ALDOB: variants seen among roughly 807,000 people sequenced by gnomAD.
The protein encoded by ALDOB is fructose-bisphosphate aldolase B.
In ALDOB, 39 loss-of-function variants were observed where a neutral mutation model predicts 41.0. The observed-to-expected ratio is 0.95, with a 90% CI of 0.74 to 1.24. The LOEUF (loss-of-function observed/expected upper bound fraction) is 1.24, where lower values mean the gene tolerates loss of function less well. ALDOB is among the 50% of genes most tolerant of loss of function. ALDOB has a pLI of 0.00. For synonymous variants in ALDOB, 175 were observed against 168.8 expected (o/e 1.04, Z -0.28); for missense variants, 530 against 457.3 (o/e 1.16, Z -1.45).
intron 6 of ALDOB, among the ~76,000 whole-genome samples, chr9:101,425,841 A>G (rs1167560093): frequency 6.6e-6 from 1 of 152,112 alleles, no homozygotes; most frequent in Non-Finnish European, 1.5e-5. Context: ...ATCACCCCTA[A>G]TCTAGCTTCT....
At position 101,428,451 on chromosome 9, in the gene ALDOB, A is replaced by G. The variant is rs777588464; in HGVS notation, c.379+18T>C. ...AGCTTACACTGGCATGATTCATCTC[A>G]GTGGGCAATATCCTTACCTTGAATG... On this transcript the variant is annotated intron_variant, in intron 4 of 8. Coordinates refer to ENST00000647789, the MANE Select transcript of ALDOB (RefSeq NM_000035.4). 6.2e-7 allele frequency: 1 copy of G among 1,610,296 alleles called. No individual in the cohort carries two copies. Among genetic ancestry groups the G allele is most frequent in the Non-Finnish European group, 8.5e-7 (1 of 1,176,572 alleles).
chr9:101,426,911 G>A (rs76734656), intron 5 of ALDOB, among the ~76,000 whole-genome samples: 1 of 152,172 alleles, frequency 6.6e-6, no homozygotes. Flanking sequence ...TAAGAAAGAT[G>A]TCTCTAAGTT....
intron 1 of ALDOB, among the ~76,000 whole-genome samples, chr9:101,432,066 G>T (rs1831227682): frequency 6.6e-6 from 1 of 152,178 alleles, no homozygotes; most frequent in Non-Finnish European, 1.5e-5. Flanking sequence ...TCCCTATCCA[G>T]TCCTGTCCTC....
Position 101,421,537 on chromosome 9 carries a change from G to T in ALDOB, c.*272C>A. On this transcript the variant is annotated 3_prime_UTR_variant, in exon 9 of 9. Transcript: ENST00000647789. ...GATGAGGAGCCGATATTGTTTTAAAGCCTATTATTTTCTTGGGTGGGTATT... is the reference window on the plus strand; with the variant it reads ...GATGAGGAGCCGATATTGTTTTAAATCCTATTATTTTCTTGGGTGGGTATT... The T allele has an allele frequency of 2.0e-6, 1 of 497,246 alleles. No homozygotes were observed. 30.8% of individuals were successfully genotyped at this position (497,246 alleles called of 1,614,324 possible).
Position 101,430,823 on chromosome 9 carries a change from C to T in ALDOB, c.65G>A (p.Ser22Asn). The change falls in exon 2 of 9, where the codon AGC becomes AAC. Residue 22 changes from serine to asparagine, a missense_variant. Transcript: ENST00000647789. Reference sequence around the variant, plus strand: ...GATCCCCTTTCCATTGGCAACAATGCTCTGGGCAATTTCTGAGAGCTCCTT... The same window carrying T: ...GATCCCCTTTCCATTGGCAACAATGTTCTGGGCAATTTCTGAGAGCTCCTT... ...QKKELSEIAQ[S>N]IVANGKGILA... is the part of the protein sequence containing the mutation. The T allele has an allele frequency of 6.2e-7, 1 of 1,614,204 alleles. No homozygotes were observed. The highest frequency in any genetic ancestry group is 8.5e-7 in the Non-Finnish European group (1 of 1,180,040).
At position 101,421,592 on chromosome 9, in the gene ALDOB, A is replaced by G. The variant is rs954787065; in HGVS notation, c.*217T>C. On this transcript the variant is annotated 3_prime_UTR_variant, in exon 9 of 9. Coordinates refer to ENST00000647789, the MANE Select transcript of ALDOB (RefSeq NM_000035.4). Reference sequence around the variant, plus strand: ...AGCATGGGGAGCTGAAAGTGTTGCAAGGAAACTGCTGTGTGAAATTTGATC... The same window carrying G: ...AGCATGGGGAGCTGAAAGTGTTGCAGGGAAACTGCTGTGTGAAATTTGATC... 3 of 610,308 alleles carry G rather than the reference A, an allele frequency of 4.9e-6. No individual in the cohort carries two copies. The highest frequency in any genetic ancestry group is 9.0e-6 in the Non-Finnish European group (3 of 333,726). 37.8% of individuals were successfully genotyped at this position (610,308 alleles called of 1,614,324 possible). A position where few individuals can be genotyped will look rare whatever the true frequency, so the allele number is the denominator to read the frequency against.
In ALDOB at chr9:101,429,791, G is replaced by C; in HGVS notation, c.288C>G (p.Asn96Lys). 6.2e-7 allele frequency: 1 copy of C among 1,614,174 alleles called. No individual in the cohort carries two copies. The highest frequency in any genetic ancestry group is 8.5e-7 in the Non-Finnish European group (1 of 1,180,032). The change falls in exon 3 of 9, where the codon AAC (asparagine) becomes AAG (lysine). Residue 96 changes from asparagine (N) to lysine (K), a missense_variant. Transcript: ENST00000647789. ...CCACGATCCCCTTTTCCTTGAGGAT[G>C]TTTCTGAACAGCTTTCCCTGGCTGT... Reference protein sequence around the residue: ...QKDSQGKLFRNILKEKGIVVG... With the variant: ...QKDSQGKLFRKILKEKGIVVG...
In ALDOB at chr9:101,429,967, C is replaced by G. The variant is rs748663340; in HGVS notation, c.113-1G>C. ...CTCTGCAGGCGGTTCCCCATGGTAC[C>G]TATGGTGGGAGGGCCAAGGGCAGCA... is the stretch of plus-strand genomic sequence containing the variant. On this transcript the variant is annotated splice_acceptor_variant, in intron 2 of 8. Transcript: ENST00000647789. LOFTEE classifies it high-confidence loss of function. 1.9e-6 allele frequency: 3 copies of G among 1,613,840 alleles called. No individual in the cohort carries two copies. The Admixed American group carries it at 5.0e-5, about 27-fold the overall frequency.
At position 101,429,804 on chromosome 9, in the gene ALDOB, T is replaced by A. The variant is rs1426817706; in HGVS notation, c.275A>T (p.Lys92Met). 7.4e-6 allele frequency: 12 copies of A among 1,614,036 alleles called. No homozygotes were observed. The highest frequency in any genetic ancestry group is 1.0e-5 in the Non-Finnish European group (12 of 1,180,026). ...TTCCTTGAGGATGTTTCTGAACAGC[T>A]TTCCCTGGCTGTCCTTCTGGTAGAG... ...ETLYQKDSQG[K>M]LFRNILKEKG... The change falls in exon 3 of 9, where the codon AAG becomes ATG. Residue 92 changes from lysine to methionine, a missense_variant. Physicochemically the swap from Lys to Met is moderately conservative, Grantham distance 95. Transcript: ENST00000647789.
Position 101,425,021 on chromosome 9 carries a change from C to T in ALDOB, c.821G>A (p.Gly274Asp), listed in dbSNP as rs1043345014. 3 of 1,614,170 alleles carry T rather than the reference C, an allele frequency of 1.9e-6. No homozygotes were observed. Among genetic ancestry groups the T allele is most frequent in the Non-Finnish European group, 2.5e-6 (3 of 1,180,030 alleles). Residue 274 changes from glycine (G) to aspartate (D), a missense_variant, in exon 8 of 9, where the codon GGC becomes GAC. Physicochemically the swap from Gly to Asp is moderately conservative, Grantham distance 94. Coordinates refer to ENST00000647789, the MANE Select transcript of ALDOB (RefSeq NM_000035.4). ...AVPGICFLSG[G>D]MSEEDATLNL... is the part of the protein sequence containing the mutation. The stretch of plus-strand genomic sequence containing the variant: ...GAGAGTGGCATCCTCTTCACTCATG[C>T]CACCAGACAAAAAGCAGATGCCTGG...
chr9:101,424,691 C>A, intron 8 of ALDOB, 152 bp downstream of exon 8: 1 of 879,976 alleles, frequency 1.1e-6, no homozygotes, highest in Non-Finnish European at 1.9e-6. Flanking sequence ...CCTCAATCCT[C>A]ATACTGACCT....
At chr9:101,433,512 G>A (rs896650494) in intron 1 of ALDOB, among the ~76,000 whole-genome samples, 5 of 152,058 alleles carry the variant, frequency 3.3e-5, no homozygotes, top group African/African-American at 7.2e-5. Context: ...AACGATTTCC[G>A]TACTCCTAAG....
rs1564078167 is a variant in ALDOB, at chr9:101,427,537, A to G, written c.485T>C (p.Leu162Pro). 5 of 1,614,190 alleles carry G rather than the reference A, an allele frequency of 3.1e-6. 1 individual carries two copies. Among genetic ancestry groups the G allele is most frequent in the Middle Eastern group, 3.3e-4 (2 of 6,062 alleles). The change falls in exon 5 of 9, where the codon CTC (leucine) becomes CCC (proline). Residue 162 changes from leucine to proline, a missense_variant. By Grantham distance (98) the Leu-to-Pro change is moderately conservative. Transcript: ENST00000647789. The part of the protein sequence containing the change: ...LRIADQCPSS[L>P]AIQENANALA... ...GGCGTTGGCGTTTTCCTGGATAGCGAGGCTGGATGGACACTGGTCGGCAAT... is the reference window on the plus strand; with the variant it reads ...GGCGTTGGCGTTTTCCTGGATAGCGGGGCTGGATGGACACTGGTCGGCAAT...
At chr9:101,430,593 T>C (rs2118365353) in intron 2 of ALDOB, among the ~76,000 whole-genome samples, 183 bp downstream of exon 2, 2 of 152,228 alleles carry the variant, frequency 1.3e-5, no homozygotes, top group East Asian at 3.9e-4. Flanking sequence ...CCTCTTTCCT[T>C]GGCTTTCAGG....
In ALDOB at chr9:101,427,539, G is replaced by T. The variant is rs1281844323; in HGVS notation, c.483C>A (p.Ser161Arg). The T allele has an allele frequency of 1.2e-6, 2 of 1,614,072 alleles. No individual in the cohort carries two copies. Among genetic ancestry groups the T allele is most frequent in the Non-Finnish European group, 1.7e-6 (2 of 1,180,040 alleles). Residue 161 changes from serine (S) to arginine (R), a missense_variant, in exon 5 of 9, where the codon AGC becomes AGA. Coordinates refer to ENST00000647789, the MANE Select transcript of ALDOB (RefSeq NM_000035.4). ...CGTTGGCGTTTTCCTGGATAGCGAG[G>T]CTGGATGGACACTGGTCGGCAATCC... ...VLRIADQCPS[S>R]LAIQENANAL...
At position 101,429,901 on chromosome 9, in the gene ALDOB, G is replaced by A. The variant is rs118204429; in HGVS notation, c.178C>T (p.Arg60Ter). The change falls in exon 3 of 9, where the codon CGA (arginine) becomes TGA (stop). Residue 60 changes from arginine to a stop codon, truncating the protein, a stop_gained. Transcript: ENST00000647789. LOFTEE classifies it high-confidence loss of function. ...CTGTCCACAGAGAAGAGGATTTCTC[G>A]GAACTGCCGGCGGTTCTCTTCAGTG... ...ENTEENRRQFREILFSVDSSI... is the reference protein window; with the variant it reads ...ENTEENRRQF 297 of 1,614,068 alleles carry A rather than the reference G, an allele frequency of 1.8e-4. 1 individual carries two copies. Among genetic ancestry groups the A allele is most frequent in the Admixed American group, 2.5e-4 (15 of 60,028 alleles).
intron 1 of ALDOB, among the ~76,000 whole-genome samples, chr9:101,432,201 A>G (rs1831229650): frequency 6.6e-6 from 1 of 152,174 alleles, no homozygotes; most frequent in African/African-American, 2.4e-5. Context: ...TGATGATCTC[A>G]TTGTTGCCTC....
At chr9:101,423,326 C>G (rs187288389) in intron 8 of ALDOB, among the ~76,000 whole-genome samples, 1 of 152,280 alleles carries the variant, frequency 6.6e-6, no homozygotes, top group African/African-American at 2.4e-5. Context: ...TAAACTTTCA[C>G]TCTTCTACCC....
chr9:101,422,137 GA>G (rs1831056865), intron 8 of ALDOB, among the ~76,000 whole-genome samples: 1 of 152,110 alleles, frequency 6.6e-6, no homozygotes, highest in African/African-American at 2.4e-5. Context: ...AGTTACTGGG[GA>G]AATCTCTGTT....
Sources: allele counts gnomAD v4.1 joint callset (sites outside exome capture counted in the v4.1 genomes callset), GRCh38; gene constraint gnomAD v4.1.1; transcripts MANE v1.5; gene names NCBI Gene and HGNC (gene_info 2026-07-23, HGNC 2026-07-21).